The following IQCM variants were observed in gnomAD, a reference collection of about 807,000 sequenced individuals.
IQCM encodes the protein IQ motif containing M, also known as IQ domain-containing protein M.
A neutral mutation model predicts 57.6 loss-of-function variants in IQCM; 45 were observed. The observed-to-expected ratio is 0.78, with a 90% confidence interval of 0.62 to 1.00. The LOEUF is 1.00. IQCM is among the 50% of genes least tolerant of loss of function. The pLI is 0.00. For missense variants in IQCM, 468 were observed against 511.6 expected, an observed-to-expected ratio of 0.91 and a Z score of 0.82; for synonymous variants, 148 against 158.9, an observed-to-expected ratio of 0.93 and a Z score of 0.51.
chr4:149,629,467 A>C (rs1476794612), intron 7 of IQCM, among the ~76,000 whole-genome samples: 1 of 152,078 alleles, frequency 6.6e-6, no homozygotes, highest in Non-Finnish European at 1.5e-5. Context: ...TAGCAATTCA[A>C]ACTAAATCAC....
chr4:149,458,115 C>A (rs1737896870), intron 12 of IQCM, among the ~76,000 whole-genome samples: 1 of 151,926 alleles, frequency 6.6e-6, no homozygotes, highest in Admixed American at 6.6e-5. Context: ...ATTTATAAAA[C>A]CCCTTCAGGA....
intron 10 of IQCM, among the ~76,000 whole-genome samples, chr4:149,555,007 A>T (rs1749445360): frequency 6.6e-6 from 1 of 151,972 alleles, no homozygotes; most frequent in Non-Finnish European, 1.5e-5. Context: ...CCCATATTAC[A>T]CATTATTTTT....
intron 12 of IQCM, among the ~76,000 whole-genome samples, chr4:149,540,272 T>C (rs1001354420): frequency 5.4e-5 from 8 of 148,660 alleles, no homozygotes; most frequent in Admixed American, 1.4e-4. Context: ...TAAATTGTCA[T>C]AGAACTACAA....
At chr4:149,583,623 G>A (rs1426865498) in intron 9 of IQCM, among the ~76,000 whole-genome samples, 1 of 151,580 alleles carries the variant, frequency 6.6e-6, no homozygotes, top group Non-Finnish European at 1.5e-5. Flanking sequence ...AATGCAATAG[G>A]TTATCTTAAG....
chr4:149,660,458 T>G (rs1414569113), intron 7 of IQCM, among the ~76,000 whole-genome samples: 1 of 151,968 alleles, frequency 6.6e-6, no homozygotes, highest in Non-Finnish European at 1.5e-5. Flanking sequence ...GAAATACCAT[T>G]TGACCCAGCC....
intron 5 of IQCM, among the ~76,000 whole-genome samples, chr4:149,726,135 G>GAAAGAAAGAAAGAAAGAAAGA (rs1436869061): frequency 4.8e-5 from 7 of 145,882 alleles, no homozygotes; most frequent in Admixed American, 2.1e-4. Flanking sequence ...AAGAAAGAAA[G>GAAAGAAAGAAAGAAAGAAAGA]AAAGAAAAGA....
intron 12 of IQCM, among the ~76,000 whole-genome samples, chr4:149,500,872 T>G (rs1743170380): frequency 6.6e-6 from 1 of 152,134 alleles, no homozygotes; most frequent in Non-Finnish European, 1.5e-5. Flanking sequence ...TCACATGATA[T>G]TTTAGGATAT....
At chr4:149,628,819 C>T (rs1757020505) in intron 7 of IQCM, among the ~76,000 whole-genome samples, 1 of 152,088 alleles carries the variant, frequency 6.6e-6, no homozygotes, top group Non-Finnish European at 1.5e-5. Context: ...AGAAAAACAT[C>T]TGCAAAGGTG....
intron 13 of IQCM, among the ~76,000 whole-genome samples, chr4:149,365,188 C>T (rs1022253243): frequency 3.9e-5 from 6 of 151,940 alleles, no homozygotes; most frequent in Non-Finnish European, 7.4e-5. Context: ...ACAAGACGTG[C>T]CTGCAGAATT....
At chr4:149,506,507 G>A (rs1258477078) in intron 12 of IQCM, among the ~76,000 whole-genome samples, 1 of 152,168 alleles carries the variant, frequency 6.6e-6, no homozygotes, top group Non-Finnish European at 1.5e-5. Context: ...AGCTAAAGCT[G>A]CCTTGAAAGG....
intron 12 of IQCM, among the ~76,000 whole-genome samples, chr4:149,533,792 CAT>C (rs1746997362): frequency 6.6e-6 from 1 of 152,198 alleles, no homozygotes; most frequent in East Asian, 1.9e-4. Context: ...CCTCCCATCA[CAT>C]GTGGGGATTA....
At chr4:149,481,723 G>GTTTTTTTTTGTTTTTTTTTT (rs1740903527) in intron 12 of IQCM, among the ~76,000 whole-genome samples, 1 of 9,346 alleles carries the variant, frequency 1.1e-4, no homozygotes, top group African/African-American at 3.2e-4. Flanking sequence ...TTTTTTTTTT[G>GTTTTTTTTTGTTTTTTTTTT]CTTTTTGCTT....
intron 5 of IQCM, among the ~76,000 whole-genome samples, chr4:149,696,131 T>G (rs1763317936): frequency 6.6e-6 from 1 of 152,114 alleles, no homozygotes; most frequent in Non-Finnish European, 1.5e-5. Context: ...TCACCCCATT[T>G]TTTCGTCGCT....
intron 13 of IQCM, among the ~76,000 whole-genome samples, chr4:149,380,371 G>A (rs1345684332): frequency 6.6e-6 from 1 of 152,000 alleles, no homozygotes; most frequent in African/African-American, 2.4e-5. Context: ...GTGGCCCAGA[G>A]GTATGTAACC....
intron 2 of IQCM, among the ~76,000 whole-genome samples, chr4:149,811,645 A>T (rs970900300): frequency 1.3e-5 from 2 of 151,994 alleles, no homozygotes; most frequent in Non-Finnish European, 2.9e-5. Flanking sequence ...CAGGGTCCTC[A>T]TTCTGCCTTT....
At chr4:149,481,573 T>C (rs1264455908) in intron 12 of IQCM, among the ~76,000 whole-genome samples, 2 of 151,968 alleles carry the variant, frequency 1.3e-5, no homozygotes, top group Non-Finnish European at 2.9e-5. Flanking sequence ...GGTGTGTGGA[T>C]TTCTTTCTGA....
intron 12 of IQCM, chr4:149,514,687 T>C (rs1369222623): frequency 6.6e-6 from 1 of 152,368 alleles, no homozygotes; most frequent in African/African-American, 2.4e-5. Flanking sequence ...TGATGGTTAA[T>C]ACTGAGTGTC....
chr4:149,463,982 A>T (rs2149714395), intron 12 of IQCM, among the ~76,000 whole-genome samples: 1 of 152,348 alleles, frequency 6.6e-6, no homozygotes, highest in South Asian at 2.1e-4. Flanking sequence ...CTATTTTGAA[A>T]GAAAACTTGA....
At chr4:149,605,520 A>G (rs773901936) in intron 8 of IQCM, among the ~76,000 whole-genome samples, 2 of 152,202 alleles carry the variant, frequency 1.3e-5, no homozygotes. Context: ...TAAATTTTGC[A>G]TGTAGTACAT....
Sources: allele counts gnomAD v4.1 joint callset (sites outside exome capture counted in the v4.1 genomes callset), GRCh38; gene constraint gnomAD v4.1.1; transcripts MANE v1.5; gene names NCBI Gene and HGNC (gene_info 2026-07-23, HGNC 2026-07-21).